The following TAFA2 variants were observed in gnomAD, a reference collection of about 807,000 sequenced individuals.
TAFA2 encodes the protein chemokine-like protein TAFA-2.
TAFA2 carries 7 observed loss-of-function variants against 18.8 expected under a neutral mutation model. The ratio of observed to expected loss-of-function variants is 0.37; its 90% CI spans 0.21 to 0.70. The LOEUF is 0.70. Ranked by LOEUF, TAFA2 falls within the 30% of genes least tolerant of loss-of-function variation. TAFA2 has a pLI of 0.53. For synonymous variants in TAFA2, 60 were observed against 54.2 expected (o/e 1.11, Z -0.47); for missense variants, 122 against 158.1 (o/e 0.77, Z 1.23).
chr12:62,183,537 C>T (rs1383733323), intron 1 of TAFA2, among the ~76,000 whole-genome samples: 2 of 152,298 alleles, frequency 1.3e-5, no homozygotes, highest in Non-Finnish European at 2.9e-5. Flanking sequence ...GCACTTGCCA[C>T]CATGCCCGGC....
chr12:62,081,563 C>G (rs11174300), intron 1 of TAFA2, among the ~76,000 whole-genome samples: 2 of 151,996 alleles, frequency 1.3e-5, no homozygotes, highest in African/African-American at 2.4e-5. Context: ...CGACTCACTA[C>G]AACCTCCGCC....
At chr12:62,147,788 T>C (rs1212165702) in intron 1 of TAFA2, among the ~76,000 whole-genome samples, 1 of 137,986 alleles carries the variant, frequency 7.2e-6, no homozygotes, top group African/African-American at 2.7e-5. Flanking sequence ...ACCTACAGAA[T>C]GTGAAAAAAT....
chr12:62,155,775 C>T (rs2062365177), intron 1 of TAFA2, among the ~76,000 whole-genome samples: 1 of 152,110 alleles, frequency 6.6e-6, no homozygotes, highest in African/African-American at 2.4e-5. Flanking sequence ...TCATCTCTCA[C>T]CTTATACAAA....
intron 1 of TAFA2, among the ~76,000 whole-genome samples, chr12:61,916,317 CTA>C (rs758729392): frequency 6.6e-6 from 1 of 152,172 alleles, no homozygotes; most frequent in Admixed American, 6.6e-5. Flanking sequence ...CTCTCTGAGT[CTA>C]TGTTTCCTCA....
At chr12:61,778,241 T>C (rs931207957) in intron 2 of TAFA2, among the ~76,000 whole-genome samples, 4 of 151,950 alleles carry the variant, frequency 2.6e-5, no homozygotes, top group African/African-American at 9.6e-5. Flanking sequence ...AGCTCATTCC[T>C]TGACTACTGT....
chr12:62,203,641 A>G (rs935527039), intron 1 of TAFA2, among the ~76,000 whole-genome samples: 3 of 152,294 alleles, frequency 2.0e-5, no homozygotes, highest in African/African-American at 7.2e-5. Context: ...GTTTTGTCAG[A>G]AACTAGGATT....
intron 1 of TAFA2, among the ~76,000 whole-genome samples, chr12:62,002,864 T>G (rs1268002852): frequency 6.6e-6 from 1 of 152,124 alleles, no homozygotes; most frequent in Non-Finnish European, 1.5e-5. Context: ...CTTTCTATCT[T>G]TCTACCTTAT....
At chr12:61,843,274 G>A (rs144232652) in intron 2 of TAFA2, among the ~76,000 whole-genome samples, 1 of 152,114 alleles carries the variant, frequency 6.6e-6, no homozygotes, top group African/African-American at 2.4e-5. Flanking sequence ...TTTGCTGAAC[G>A]GCTCTGCCAC....
At chr12:61,861,981 C>T (rs566354428) in intron 2 of TAFA2, among the ~76,000 whole-genome samples, 6 of 151,972 alleles carry the variant, frequency 3.9e-5, no homozygotes, top group Admixed American at 1.3e-4. Context: ...TCCTTTTTTT[C>T]GTGGGTATAA....
intron 1 of TAFA2, among the ~76,000 whole-genome samples, chr12:62,027,271 G>A (rs1186299214): frequency 6.6e-6 from 1 of 152,086 alleles, no homozygotes. Context: ...GCAGCATACA[G>A]CCCTTTAGCA....
chr12:61,920,392 G>C (rs982215961), intron 1 of TAFA2, among the ~76,000 whole-genome samples: 2 of 152,154 alleles, frequency 1.3e-5, no homozygotes, highest in Non-Finnish European at 2.9e-5. Context: ...TCCCAGGGAA[G>C]TTTTAAGGCC....
chr12:62,081,691 G>A (rs1427858954), intron 1 of TAFA2, among the ~76,000 whole-genome samples: 1 of 151,778 alleles, frequency 6.6e-6, no homozygotes, highest in Non-Finnish European at 1.5e-5. Flanking sequence ...CACTTTTTTG[G>A]CCAGGCTTGT....
At chr12:61,823,304 C>G (rs556714635) in intron 2 of TAFA2, among the ~76,000 whole-genome samples, 1 of 152,166 alleles carries the variant, frequency 6.6e-6, no homozygotes, top group East Asian at 1.9e-4. Flanking sequence ...TCCCAAAATG[C>G]TGGAATTACA....
At chr12:61,748,346 G>A (rs1397529056) in intron 4 of TAFA2, among the ~76,000 whole-genome samples, 4 of 152,090 alleles carry the variant, frequency 2.6e-5, no homozygotes, top group Non-Finnish European at 5.9e-5. Context: ...CTGTGGACCA[G>A]AATGTAATTT....
At chr12:61,712,323 C>T (rs186764541) in intron 4 of TAFA2, among the ~76,000 whole-genome samples, 1 of 152,176 alleles carries the variant, frequency 6.6e-6, no homozygotes, top group East Asian at 1.9e-4. Flanking sequence ...TTTGACTCTA[C>T]TAGTTTATAT....
At chr12:62,041,825 A>G (rs1359458915) in intron 1 of TAFA2, among the ~76,000 whole-genome samples, 1 of 152,194 alleles carries the variant, frequency 6.6e-6, no homozygotes, top group Admixed American at 6.5e-5. Context: ...AAGATTTCTC[A>G]CAACCCTAGA....
intron 1 of TAFA2, among the ~76,000 whole-genome samples, chr12:61,989,276 GAGA>G (rs1403337691): frequency 1.3e-5 from 2 of 152,078 alleles, no homozygotes; most frequent in African/African-American, 4.8e-5. Context: ...ATCCATAGAA[GAGA>G]AGGACAATAA....
At chr12:62,184,177 G>T (rs2062569376) in intron 1 of TAFA2, among the ~76,000 whole-genome samples, 1 of 152,108 alleles carries the variant, frequency 6.6e-6, no homozygotes, top group Non-Finnish European at 1.5e-5. Flanking sequence ...GACGGAAGGA[G>T]CAAACATATC....
At chr12:61,799,223 C>A (rs1323252203) in intron 2 of TAFA2, among the ~76,000 whole-genome samples, 2 of 152,172 alleles carry the variant, frequency 1.3e-5, no homozygotes, top group African/African-American at 4.8e-5. Context: ...ATGTTTGGTT[C>A]TCTTTCTCTT....
Sources: allele counts gnomAD v4.1 joint callset (sites outside exome capture counted in the v4.1 genomes callset), GRCh38; gene constraint gnomAD v4.1.1; transcripts MANE v1.5; gene names NCBI Gene and HGNC (gene_info 2026-07-23, HGNC 2026-07-21).